Variants in C12orf42 observed in about 807,000 individuals in gnomAD.
C12orf42 encodes chromosome 12 open reading frame 42, also known as uncharacterized protein C12orf42.
C12orf42 carries 25 observed loss-of-function variants against 21.6 expected under a neutral mutation model. That is an observed-to-expected ratio of 1.16 (90% CI 0.84 to 1.62). The LOEUF (loss-of-function observed/expected upper bound fraction) is 1.62. C12orf42 is among the 40% of genes most tolerant of loss of function. The pLI is 0.00. For synonymous variants in C12orf42, 174 were observed against 175.0 expected (o/e 0.99, Z 0.05); for missense variants, 483 against 459.3 (o/e 1.05, Z -0.47).
chr12:103,338,037 T>C (rs1283676210), intron 4 of C12orf42, among the ~76,000 whole-genome samples: 1 of 152,230 alleles, frequency 6.6e-6, no homozygotes, highest in Admixed American at 6.5e-5. Context: ...TAGTTCTATT[T>C]AGTTGCAGTC....
At chr12:103,484,343 T>A (rs1464935615) in intron 1 of C12orf42, among the ~76,000 whole-genome samples, 2 of 152,244 alleles carry the variant, frequency 1.3e-5, no homozygotes, top group African/African-American at 2.4e-5. Context: ...GACTTTTTAA[T>A]GATCGCCATT....
chr12:103,239,708 G>C (rs927009854), intron 10 of C12orf42, among the ~76,000 whole-genome samples: 1 of 152,176 alleles, frequency 6.6e-6, no homozygotes, highest in Non-Finnish European at 1.5e-5. Context: ...GCAAGGGTGG[G>C]TGATTTCCCT....
chr12:103,096,656 A>G, the C12orf42 span, among the ~76,000 whole-genome samples: 1 of 152,266 alleles, frequency 6.6e-6, no homozygotes, highest in Non-Finnish European at 1.5e-5. Flanking sequence ...AATGAACAAT[A>G]GCAAATAATC....
chr12:103,145,823 CATTA>C, the C12orf42 span, among the ~76,000 whole-genome samples: 1 of 151,960 alleles, frequency 6.6e-6, no homozygotes, highest in Non-Finnish European at 1.5e-5. Flanking sequence ...TGTTTGTTAA[CATTA>C]TAGATATGTA....
chr12:103,124,915 G>C, the C12orf42 span, among the ~76,000 whole-genome samples: 5 of 152,100 alleles, frequency 3.3e-5, no homozygotes, highest in African/African-American at 1.2e-4. Flanking sequence ...GTATGCAGTT[G>C]ATCCTTTATT....
intron 2 of C12orf42, among the ~76,000 whole-genome samples, chr12:103,404,569 T>C (rs1414501925): frequency 6.6e-6 from 1 of 152,312 alleles, no homozygotes; most frequent in Admixed American, 6.5e-5. Flanking sequence ...TAATTACACA[T>C]TGAAAGCTAA....
intron 3 of C12orf42, among the ~76,000 whole-genome samples, chr12:103,391,411 C>A (rs2047068748): frequency 6.6e-6 from 1 of 152,094 alleles, no homozygotes; most frequent in Non-Finnish European, 1.5e-5. Context: ...TCAATTTCTG[C>A]ACATTTTTGC....
intron 2 of C12orf42, among the ~76,000 whole-genome samples, chr12:103,445,367 T>A (rs901938894): frequency 4.0e-5 from 6 of 151,576 alleles, no homozygotes; most frequent in African/African-American, 1.5e-4. Flanking sequence ...TCAAATTGTT[T>A]CTCCAACTAG....
the C12orf42 span, chr12:103,548,055 A>C: frequency 6.6e-6 from 1 of 152,220 alleles, no homozygotes; most frequent in Admixed American, 6.5e-5. Context: ...AATATGATGA[A>C]AAAAATAAGG....
chr12:103,107,673 A>C, the C12orf42 span, among the ~76,000 whole-genome samples: 1 of 151,862 alleles, frequency 6.6e-6, no homozygotes, highest in Non-Finnish European at 1.5e-5. Context: ...AAATGAGTTA[A>C]ACATTTAAAT....
intron 2 of C12orf42, among the ~76,000 whole-genome samples, chr12:103,424,263 T>C (rs1949614585): frequency 6.6e-6 from 1 of 152,260 alleles, no homozygotes; most frequent in African/African-American, 2.4e-5. Flanking sequence ...TCTGTATCTC[T>C]GGGGTCAACT....
intron 10 of C12orf42, among the ~76,000 whole-genome samples, chr12:103,241,191 A>G (rs2033721923): frequency 6.6e-6 from 1 of 152,002 alleles, no homozygotes; most frequent in Non-Finnish European, 1.5e-5. Context: ...TTTAAAAAAA[A>G]AAAAAAAAGA....
At chr12:103,374,924 CCAAA>C (rs2045567654) in intron 3 of C12orf42, among the ~76,000 whole-genome samples, 1 of 152,156 alleles carries the variant, frequency 6.6e-6, no homozygotes, top group African/African-American at 2.4e-5. Context: ...GCATCAATCT[CCAAA>C]CAAACAGTTA....
the C12orf42 span, chr12:103,161,728 T>C: frequency 1.3e-5 from 2 of 152,172 alleles, no homozygotes; most frequent in African/African-American, 2.4e-5. Context: ...CACAATTAAG[T>C]TCTCCTTTCA....
intron 2 of C12orf42, among the ~76,000 whole-genome samples, chr12:103,454,065 C>T (rs961697588): frequency 6.6e-6 from 1 of 152,136 alleles, no homozygotes; most frequent in Admixed American, 6.6e-5. Flanking sequence ...AGGTCCTGAG[C>T]TATAGTTTCC....
intron 3 of C12orf42, among the ~76,000 whole-genome samples, chr12:103,381,697 C>T (rs2046192270): frequency 6.6e-6 from 1 of 152,168 alleles, no homozygotes; most frequent in East Asian, 1.9e-4. Flanking sequence ...GCAGGCGGAT[C>T]ATGAGGTCAG....
chr12:103,360,162 T>C (rs748889223), intron 4 of C12orf42, among the ~76,000 whole-genome samples: 7 of 147,262 alleles, frequency 4.8e-5, no homozygotes, highest in Non-Finnish European at 1.1e-4. Context: ...TAGCAGGAGT[T>C]AGAGACAGTG....
chr12:103,164,851 A>G, the C12orf42 span: 1 of 383,954 alleles, frequency 2.6e-6, no homozygotes, highest in East Asian at 7.4e-5. Context: ...GTGTATCAGT[A>G]TACTCACAAA....
intron 4 of C12orf42, among the ~76,000 whole-genome samples, chr12:103,277,507 ACTC>A (rs1372324024): frequency 6.6e-6 from 1 of 151,952 alleles, no homozygotes; most frequent in Non-Finnish European, 1.5e-5. Flanking sequence ...GATCTTACAG[ACTC>A]CTCAGAAGGG....
Sources: gnomAD v4.1 joint callset for allele counts (sites outside exome capture counted in the v4.1 genomes callset) on GRCh38, gnomAD v4.1.1 for gene constraint, MANE v1.5 for transcripts, NCBI Gene and HGNC (gene_info 2026-07-23, HGNC 2026-07-21) for gene names.